LHX6: variants seen among roughly 807,000 people sequenced by gnomAD.
LHX6 encodes LIM homeobox 6, also known as LIM/homeobox protein Lhx6.
In LHX6, 15 loss-of-function variants were observed where a neutral mutation model predicts 47.1. That is an observed-to-expected ratio of 0.32 (90% CI 0.21 to 0.49). The LOEUF is 0.49. Among genes scored for constraint, LHX6 ranks in the 20% least tolerant of loss-of-function variants. The pLI is 0.99. For missense variants in LHX6, 404 were observed against 539.6 expected (o/e 0.75, Z 2.49); for synonymous variants, 242 against 233.5 (o/e 1.04, Z -0.33).
chr9:122,207,145 C>T (rs1370053526), intron 9 of LHX6, among the ~76,000 whole-genome samples: 2 of 152,198 alleles, frequency 1.3e-5, no homozygotes, highest in Non-Finnish European at 2.9e-5. Flanking sequence ...CAGGAAGGGA[C>T]AGCTCTGAGG....
chr9:122,226,992 G>A lies in LHX6; in HGVS notation c.195C>T (p.Asp65=). ...ATGGGGAGGCCTGACCCTCGTCCTT[G>A]TCCAGAGCTCCTGCCAGGGCCTCGG... ...SDAEALAGAL[D]KDEGQASPCT... The change falls in exon 3 of 10, where the codon GAC becomes GAT. Residue 65 remains aspartate (D), a synonymous_variant. Transcript: ENST00000394319. This position sits in a 1 kb window ranked among gnomAD's most constrained non-coding sequence, Gnocchi z 6.5. 6.5e-7 allele frequency: 1 copy of A among 1,532,564 alleles called. No individual in the cohort carries two copies. Among genetic ancestry groups the A allele is most frequent in the Non-Finnish European group, 8.8e-7 (1 of 1,137,190 alleles). 94.9% of individuals were successfully genotyped at this position (1,532,564 alleles called of 1,614,324 possible).
In LHX6 at chr9:122,226,453, C is replaced by G. The variant is rs1286428909; in HGVS notation, c.384G>C (p.Val128=). ...TCTGCTGCCTCAGCGACGTGCGACA[C>G]ACGGAGCACTCGAGGCACCGCACGT... ...IWHVRCLECS[V]CRTSLRQQNS... The change falls in exon 4 of 10, where the codon GTG becomes GTC. Residue 128 remains valine (V), a synonymous_variant. Transcript: ENST00000394319. This position sits in a 1 kb window ranked among gnomAD's most constrained non-coding sequence, Gnocchi z 6.5. 2 of 1,613,592 alleles carry G rather than the reference C, an allele frequency of 1.2e-6. No individual in the cohort carries two copies. The highest frequency in any genetic ancestry group is 1.7e-6 in the Non-Finnish European group (2 of 1,179,966).
chr9:122,226,232 G>C lies in LHX6; in HGVS notation c.461+144C>G, dbSNP rs1215212163. ...CTCTGGGTTCGCGCCGCTGAGCGCCGGCAGGTTGGACCAGCGCTGCGCGCC... is the reference window on the plus strand; with the variant it reads ...CTCTGGGTTCGCGCCGCTGAGCGCCCGCAGGTTGGACCAGCGCTGCGCGCC... On this transcript the variant is annotated intron_variant, in intron 4 of 9. Transcript: ENST00000394319. The surrounding 1 kb of genome is among the most constrained non-coding windows in gnomAD (Gnocchi z 6.5). 56 of 1,105,864 alleles carry C rather than the reference G, an allele frequency of 5.1e-5. No homozygotes were observed. The highest frequency in any genetic ancestry group is 3.5e-4 in the African/African-American group (22 of 62,458). 68.5% of individuals were successfully genotyped at this position (1,105,864 alleles called of 1,614,324 possible). A position where few individuals can be genotyped will look rare whatever the true frequency, so the allele number is the denominator to read the frequency against.
chr9:122,225,863 C>G (rs1182112193), intron 4 of LHX6, among the ~76,000 whole-genome samples: 4 of 152,324 alleles, frequency 2.6e-5, no homozygotes, highest in African/African-American at 7.2e-5. Context: ...GGACCAGACT[C>G]GAACCCAGAG....
rs553873675 is a variant in LHX6, at chr9:122,203,580, G to T, written c.*1180C>A. 1 of 152,788 alleles carries T rather than the reference G, an allele frequency of 6.5e-6. No individual in the cohort carries two copies. Among genetic ancestry groups the T allele is most frequent in the African/African-American group, 2.4e-5 (1 of 41,550 alleles). The allele number at this position is 152,788 out of a possible 1,614,324, so 9.5% of individuals were successfully genotyped here. Reference sequence around the variant, plus strand: ...TAGCCTGAGCCCTTTTGTTTGGGGTGGAAGAGTTGTAGCAGGATGGATGTT... The same window carrying T: ...TAGCCTGAGCCCTTTTGTTTGGGGTTGAAGAGTTGTAGCAGGATGGATGTT... On this transcript the variant is annotated 3_prime_UTR_variant, in exon 10 of 10. Coordinates refer to ENST00000394319, the MANE Select transcript of LHX6 (RefSeq NM_014368.5).
rs1163940134 is a variant in LHX6, at chr9:122,202,819, A to G, written c.*1941T>C. Reference sequence around the variant, plus strand: ...GTAGTGGAGACATGTTTGAACTGTAACATGCTACGGCCACATAATCCACGC... The same window carrying G: ...GTAGTGGAGACATGTTTGAACTGTAGCATGCTACGGCCACATAATCCACGC... On this transcript the variant is annotated 3_prime_UTR_variant, in exon 10 of 10. Transcript: ENST00000394319. 6.6e-6 allele frequency: 1 copy of G among 152,552 alleles called. No homozygotes were observed. The highest frequency in any genetic ancestry group is 1.5e-5 in the Non-Finnish European group (1 of 68,020). 9.4% of individuals were successfully genotyped at this position (152,552 alleles called of 1,614,324 possible).
Position 122,217,324 on chromosome 9 carries a change from C to T in LHX6, c.462-36G>A. On this transcript the variant is annotated intron_variant, in intron 4 of 9. Coordinates refer to ENST00000394319, the MANE Select transcript of LHX6 (RefSeq NM_014368.5). This position sits in a 1 kb window ranked among gnomAD's most constrained non-coding sequence, Gnocchi z 4.9. Reference sequence around the variant, plus strand: ...AGAGGACAGGCACGGGGTGTCGAGACTCAGACAGGCCAACCTTCCTCCTTC... The same window carrying T: ...AGAGGACAGGCACGGGGTGTCGAGATTCAGACAGGCCAACCTTCCTCCTTC... 6.4e-7 allele frequency: 1 copy of T among 1,551,852 alleles called. No individual in the cohort carries two copies. Among genetic ancestry groups the T allele is most frequent in the Non-Finnish European group, 8.7e-7 (1 of 1,145,000 alleles).
Position 122,213,885 on chromosome 9 carries a change from C to T in LHX6, c.879+89G>A, listed in dbSNP as rs1428908980. ...TCGTCGCCTCCTGGAGAAGGATGGCCACGTGCACGCACCACCCTCCGCGCC... is the reference window on the plus strand; with the variant it reads ...TCGTCGCCTCCTGGAGAAGGATGGCTACGTGCACGCACCACCCTCCGCGCC... On this transcript the variant is annotated intron_variant, in intron 7 of 9. Transcript: ENST00000394319. This position sits in a 1 kb window ranked among gnomAD's most constrained non-coding sequence, Gnocchi z 5.5. 11 of 1,510,100 alleles carry T rather than the reference C, an allele frequency of 7.3e-6. No homozygotes were observed. Among genetic ancestry groups the T allele is most frequent in the Non-Finnish European group, 9.0e-6 (10 of 1,115,146 alleles). 93.5% of individuals were successfully genotyped at this position (1,510,100 alleles called of 1,614,324 possible).
At position 122,227,459 on chromosome 9, in the gene LHX6, C is replaced by T. The variant is rs368987512; in HGVS notation, c.106G>A (p.Gly36Ser). ...AGACAGCGGGTGGTCGCTTTGCAGC[C>T]GGACCCTGGCTGGGCCATCACCTGG... ...TDQVMAQPGS[G>S]CKATTRCLEG... Residue 36 changes from glycine (G) to serine (S), a missense_variant, in exon 2 of 10, where the codon GGC becomes AGC. Gly to Ser is a moderately conservative substitution (Grantham distance 56). Transcript: ENST00000394319. The T allele has an allele frequency of 3.1e-6, 4 of 1,272,598 alleles. No individual in the cohort carries two copies. Among genetic ancestry groups the T allele is most frequent in the Non-Finnish European group, 3.1e-6 (3 of 977,542 alleles). 78.8% of individuals were successfully genotyped at this position (1,272,598 alleles called of 1,614,324 possible).
At position 122,226,252 on chromosome 9, in the gene LHX6, C is replaced by A. The variant is rs1008288767; in HGVS notation, c.461+124G>T. 1.6e-6 allele frequency: 2 copies of A among 1,277,366 alleles called. No individual in the cohort carries two copies. Among genetic ancestry groups the A allele is most frequent in the African/African-American group, 1.5e-5 (1 of 66,796 alleles). 79.1% of individuals were successfully genotyped at this position (1,277,366 alleles called of 1,614,324 possible). Reference sequence around the variant, plus strand: ...GCGCCGGCAGGTTGGACCAGCGCTGCGCGCCGGAAGTGCACTCGGGACGCC... The same window carrying A: ...GCGCCGGCAGGTTGGACCAGCGCTGAGCGCCGGAAGTGCACTCGGGACGCC... On this transcript the variant is annotated intron_variant, in intron 4 of 9. Transcript: ENST00000394319. The surrounding 1 kb of genome is among the most constrained non-coding windows in gnomAD (Gnocchi z 6.5).
At position 122,213,951 on chromosome 9, in the gene LHX6, G is replaced by T; in HGVS notation, c.879+23C>A. ...CTCCGGGGCGTGCCCGCGGTCCCCA[G>T]GCCCCGCCCACCCCCGTCCCACCTG... On this transcript the variant is annotated intron_variant, in intron 7 of 9. Transcript: ENST00000394319. The surrounding 1 kb of genome is among the most constrained non-coding windows in gnomAD (Gnocchi z 5.5). 2 of 1,319,878 alleles carry T rather than the reference G, an allele frequency of 1.5e-6. No homozygotes were observed. Among genetic ancestry groups the T allele is most frequent in the Non-Finnish European group, 2.2e-6 (2 of 927,750 alleles). The allele number at this position is 1,319,878 out of a possible 1,614,324, so 81.8% of individuals were successfully genotyped here.
At chr9:122,211,507 G>T (rs1488745583) in intron 8 of LHX6, among the ~76,000 whole-genome samples, 2 of 152,222 alleles carry the variant, frequency 1.3e-5, no homozygotes, top group African/African-American at 4.8e-5. Flanking sequence ...TCTGGGGTCT[G>T]GTTCTAACAC....
In LHX6 at chr9:122,209,683, C is replaced by A; in HGVS notation, c.1089G>T (p.Leu363=). The A allele has an allele frequency of 8.8e-7, 1 of 1,135,364 alleles. No homozygotes were observed. Among genetic ancestry groups the A allele is most frequent in the Non-Finnish European group, 1.3e-6 (1 of 742,432 alleles). The allele number at this position is 1,135,364 out of a possible 1,614,324, so 70.3% of individuals were successfully genotyped here. ...QVQCGQVHCR[L]PYTAPPVHLK... is the part of the protein sequence containing the mutation. ...GGTGGACGGGGGGTGCGGTGTAAGG[C>A]AGCCGGCAGTGCACCTGCCCGCACT... Residue 363 remains leucine (L), a synonymous_variant, in exon 9 of 10, where the codon CTG becomes CTT. Transcript: ENST00000394319.
In LHX6 at chr9:122,223,713, G is replaced by C. The variant is rs192414407; in HGVS notation, c.461+2663C>G. On this transcript the variant is annotated intron_variant, in intron 4 of 9. Transcript: ENST00000394319. ...AGTAGGAAGAGAACTCCAGAATAAG[G>C]GGAGGCTCTGAACAGTGGAGTCAGG... is the stretch of plus-strand genomic sequence containing the variant. 3.9e-3 allele frequency among the ~76,000 whole-genome samples: 589 copies of C among 152,192 alleles called. 7 individuals carry two copies. Among genetic ancestry groups the C allele is most frequent in the Non-Finnish European group, 4.1e-3 (278 of 68,026 alleles).
chr9:122,204,819 C>A, intron 9 of LHX6, 39 bp from the exon 10 acceptor site: 1 of 1,416,970 alleles, frequency 7.1e-7, no homozygotes, highest in South Asian at 1.3e-5. Flanking sequence ...GAGCTGGGGG[C>A]CTGCCCCACC....
chr9:122,216,323 T>A (rs1830592613), intron 5 of LHX6, among the ~76,000 whole-genome samples: 1 of 152,182 alleles, frequency 6.6e-6, no homozygotes, highest in African/African-American at 2.4e-5. Flanking sequence ...CTCCATCCCA[T>A]CTGTGACCCT....
At position 122,217,352 on chromosome 9, in the gene LHX6, C is replaced by A; in HGVS notation, c.462-64G>T. On this transcript the variant is annotated intron_variant, in intron 4 of 9. Coordinates refer to ENST00000394319, the MANE Select transcript of LHX6 (RefSeq NM_014368.5). The surrounding 1 kb of genome is among the most constrained non-coding windows in gnomAD (Gnocchi z 4.9). ...AGACAGGCCAACCTTCCTCCTTCCACCACCCAATGGCCCGCCAGCCCCCAG... is the reference window on the plus strand; with the variant it reads ...AGACAGGCCAACCTTCCTCCTTCCAACACCCAATGGCCCGCCAGCCCCCAG... 3 of 1,377,282 alleles carry A rather than the reference C, an allele frequency of 2.2e-6. No individual in the cohort carries two copies. Among genetic ancestry groups the A allele is most frequent in the East Asian group, 2.5e-5 (1 of 40,732 alleles). 85.3% of individuals were successfully genotyped at this position (1,377,282 alleles called of 1,614,324 possible).
chr9:122,222,650 G>A (rs1054523632), intron 4 of LHX6, among the ~76,000 whole-genome samples: 2 of 152,330 alleles, frequency 1.3e-5, no homozygotes, highest in South Asian at 4.1e-4. Flanking sequence ...TCTCCCTGGT[G>A]AACTTGGAGT....
chr9:122,221,912 T>C (rs1830880059), intron 4 of LHX6, among the ~76,000 whole-genome samples: 1 of 152,126 alleles, frequency 6.6e-6, no homozygotes, highest in African/African-American at 2.4e-5. Context: ...ATCTAGTCTC[T>C]ACCACTTAGC....
Sources: gnomAD v4.1 joint callset for allele counts (sites outside exome capture counted in the v4.1 genomes callset) on GRCh38, gnomAD v4.1.1 for gene constraint, Gnocchi (gnomAD v3.1) non-coding constraint, MANE v1.5 for transcripts, NCBI Gene and HGNC (gene_info 2026-07-23, HGNC 2026-07-21) for gene names.